PUM2: variants seen among roughly 807,000 people sequenced by gnomAD.
The protein encoded by PUM2 is pumilio RNA binding family member 2, also known as pumilio homolog 2.
In PUM2, 57 loss-of-function variants were observed where a neutral mutation model predicts 124.5. The ratio of observed to expected loss-of-function variants is 0.46; its 90% confidence interval spans 0.37 to 0.57. The LOEUF (loss-of-function observed/expected upper bound fraction) is 0.57, where lower values mean the gene tolerates loss of function less well. PUM2 is among the 20% of genes least tolerant of loss of function. The pLI is 0.00. For missense variants in PUM2, 1,065 were observed against 1,290.6 expected, an observed-to-expected ratio of 0.83 and a Z score of 2.68; for synonymous variants, 460 against 446.1, an observed-to-expected ratio of 1.03 and a Z score of -0.39.
chr2:20,316,347 ATCT>A (rs1021681428), intron 3 of PUM2, among the ~76,000 whole-genome samples: 4 of 152,186 alleles, frequency 2.6e-5, no homozygotes, highest in African/African-American at 9.6e-5. Context: ...GAAGCATTAA[ATCT>A]TCTAATATAT....
At chr2:20,257,043 C>CAAAAAAAAAAAAAAAAAAA (rs58072146) in intron 16 of PUM2, among the ~76,000 whole-genome samples, 2 of 71,810 alleles carry the variant, frequency 2.8e-5, no homozygotes, top group African/African-American at 6.0e-5. Context: ...GATTCCGTCT[C>CAAAAAAAAAAAAAAAAAAA]AAAAAAAAAA....
intron 20 of PUM2, among the ~76,000 whole-genome samples, chr2:20,253,308 C>T (rs959600570): frequency 3.9e-5 from 6 of 152,146 alleles, no homozygotes; most frequent in African/African-American, 9.7e-5. Flanking sequence ...GGGACTCAGG[C>T]GATCCTCCCA....
intron 1 of PUM2, among the ~76,000 whole-genome samples, chr2:20,330,922 T>C (rs1403360555): frequency 1.3e-5 from 2 of 152,186 alleles, no homozygotes; most frequent in Non-Finnish European, 2.9e-5. Context: ...CCAGCTGGTG[T>C]CCACTGGAGA....
intron 3 of PUM2, among the ~76,000 whole-genome samples, chr2:20,317,784 A>AT (rs1363285800): frequency 2.0e-5 from 3 of 152,074 alleles, no homozygotes; most frequent in African/African-American, 7.2e-5. Context: ...AAGTGAGAAC[A>AT]TTCAGTATTT....
intron 1 of PUM2, among the ~76,000 whole-genome samples, chr2:20,334,174 T>C (rs1372337621): frequency 6.6e-6 from 1 of 152,118 alleles, no homozygotes; most frequent in Non-Finnish European, 1.5e-5. Context: ...TAGCCAGGCA[T>C]GGTGACATGC....
In PUM2 at chr2:20,312,344, T is replaced by A. The variant is rs545743619; in HGVS notation, c.240A>T (p.Ile80=). 6.2e-7 allele frequency: 1 copy of A among 1,613,582 alleles called. No homozygotes were observed. Among genetic ancestry groups the A allele is most frequent in the South Asian group, 1.1e-5 (1 of 91,068 alleles). Residue 80 remains isoleucine (I), a synonymous_variant, in exon 4 of 21, where the codon ATA becomes ATT. Coordinates refer to ENST00000361078, the MANE Select transcript of PUM2 (RefSeq NM_015317.5). ...CTCCACTTTCTGATCGCGGAGACAG[T>A]ATTGCATTTACTTCACTGTTTCCAT... ...GFHGNSEVNA[I]LSPRSESGGL...
rs893159727 is a variant in PUM2 at position 20,308,270 on chromosome 2, T to C, written c.789+44A>G. On this transcript the variant is annotated intron_variant, in intron 6 of 20. Coordinates refer to ENST00000361078, the MANE Select transcript of PUM2 (RefSeq NM_015317.5). Reference sequence around the variant, plus strand: ...CACATAGCACTTCAGGCTAAACCAGTATACAGTTAAGAGGACCTTCTTAAA... The same window carrying C: ...CACATAGCACTTCAGGCTAAACCAGCATACAGTTAAGAGGACCTTCTTAAA... 3.8e-6 allele frequency: 6 copies of C among 1,589,944 alleles called. No homozygotes were observed. The African/African-American group carries it at 8.1e-5, about 21-fold the overall frequency.
intron 1 of PUM2, among the ~76,000 whole-genome samples, chr2:20,346,319 T>G (rs1688235983): frequency 6.6e-6 from 1 of 152,218 alleles, no homozygotes; most frequent in Non-Finnish European, 1.5e-5. Flanking sequence ...ATAAACTAAC[T>G]TAAAAATGAC....
intron 4 of PUM2, 122 bp downstream of exon 4, chr2:20,312,114 G>A: frequency 3.4e-6 from 3 of 884,884 alleles, no homozygotes; most frequent in Non-Finnish European, 5.0e-6. Flanking sequence ...AGCAATAATA[G>A]TTACAAAATT....
intron 3 of PUM2, among the ~76,000 whole-genome samples, chr2:20,316,329 A>G (rs1217852178): frequency 1.3e-5 from 2 of 152,182 alleles, no homozygotes; most frequent in Non-Finnish European, 2.9e-5. Context: ...GAAATTAAAC[A>G]TTATATAGAA....
intron 10 of PUM2, among the ~76,000 whole-genome samples, chr2:20,285,291 C>T (rs777580800): frequency 6.6e-5 from 10 of 152,176 alleles, no homozygotes; most frequent in Non-Finnish European, 1.2e-4. Context: ...TCTGCCCTTG[C>T]TCTTTTGTCC....
chr2:20,325,690 C>G (rs1459676486), intron 2 of PUM2, among the ~76,000 whole-genome samples: 1 of 150,462 alleles, frequency 6.6e-6, no homozygotes, highest in Non-Finnish European at 1.5e-5. Context: ...GGTGCAATCT[C>G]GGCTCACTGC....
chr2:20,333,576 GAAGC>G (rs1293591734), intron 1 of PUM2, among the ~76,000 whole-genome samples: 1 of 152,052 alleles, frequency 6.6e-6, no homozygotes, highest in East Asian at 1.9e-4. Context: ...CTTGTGTAAA[GAAGC>G]AAGAAAATGC....
At chr2:20,305,685 G>A (rs1474264259) in intron 7 of PUM2, among the ~76,000 whole-genome samples, 1 of 151,912 alleles carries the variant, frequency 6.6e-6, no homozygotes. Context: ...ATGGGAAGAC[G>A]ATTCAACTAT....
rs762460030 is a variant in PUM2 at position 20,344,982 on chromosome 2, CAAAAAAAAAAAAAA to C, written c.-19+5601_-19+5614del. On this transcript the variant is annotated intron_variant, in intron 1 of 20. Transcript: ENST00000361078. ...AGAGCAACGGAGGGAGACTCTGTCT[CAAAAAAAAAAAAAA>C]AAAAAAAAGAAAAGAAGATTCCGCT... Among the ~76,000 whole-genome samples, 8 of 66,262 alleles carry C rather than the reference CAAAAAAAAAAAAAA, an allele frequency of 1.2e-4. No individual in the cohort carries two copies. The Admixed American group carries it at 1.4e-3, about 12-fold the overall frequency. The allele number at this position is 66,262 out of a possible 152,430, so 43.5% of individuals were successfully genotyped here.
At chr2:20,321,124 G>A (rs1682237027) in intron 2 of PUM2, among the ~76,000 whole-genome samples, 1 of 152,090 alleles carries the variant, frequency 6.6e-6, no homozygotes, top group East Asian at 1.9e-4. Context: ...TTCCGGGAGT[G>A]CCTTCAAAAT....
intron 10 of PUM2, among the ~76,000 whole-genome samples, chr2:20,290,419 T>G (rs1673752277): frequency 6.6e-6 from 1 of 151,240 alleles, no homozygotes; most frequent in African/African-American, 2.4e-5. Context: ...ATGGCTGTGT[T>G]GAGAATTCTG....
At chr2:20,347,186 G>GAACTTACTAAC (rs1378257707) in intron 1 of PUM2, among the ~76,000 whole-genome samples, 1 of 152,156 alleles carries the variant, frequency 6.6e-6, no homozygotes, top group Non-Finnish European at 1.5e-5. Flanking sequence ...TTGCAGAATG[G>GAACTTACTAAC]AACTTACTAA....
At chr2:20,346,734 G>A (rs552584741) in intron 1 of PUM2, among the ~76,000 whole-genome samples, 1 of 152,006 alleles carries the variant, frequency 6.6e-6, no homozygotes, top group Non-Finnish European at 1.5e-5. Flanking sequence ...CTACCGCCCC[G>A]CCATGACCAC....
Sources: allele counts gnomAD v4.1 joint callset (sites outside exome capture counted in the v4.1 genomes callset), GRCh38; gene constraint gnomAD v4.1.1; transcripts MANE v1.5; gene names NCBI Gene and HGNC (gene_info 2026-07-23, HGNC 2026-07-21).